MGST3: variants seen among roughly 807,000 people sequenced by gnomAD.
MGST3 encodes microsomal glutathione S-transferase 3, also known as glutathione S-transferase 3, mitochondrial.
MGST3 carries 13 observed loss-of-function variants against 15.8 expected under a neutral mutation model. That is an observed-to-expected ratio of 0.82 (90% CI 0.54 to 1.31). The LOEUF is 1.31. MGST3 is among the 50% of genes most tolerant of loss of function. The pLI, the probability that MGST3 is intolerant of heterozygous loss-of-function variation, is 0.00. For missense variants in MGST3, 155 were observed against 192.4 expected, an observed-to-expected ratio of 0.81 and a Z score of 1.15; for synonymous variants, 49 against 68.1, an observed-to-expected ratio of 0.72 and a Z score of 1.38.
At chr1:165,640,813 C>T (rs916558152) in intron 1 of MGST3, among the ~76,000 whole-genome samples, 4 of 152,156 alleles carry the variant, frequency 2.6e-5, no homozygotes, top group African/African-American at 4.8e-5. Flanking sequence ...ATATTCAATG[C>T]CACACAAAGG....
At chr1:165,632,145 A>C in intron 1 of MGST3, 1 of 1,120,590 alleles carries the variant, frequency 8.9e-7, no homozygotes, top group South Asian at 1.3e-5. Context: ...GGGGGCAAGT[A>C]AGTGTGGAAG....
intron 1 of MGST3, among the ~76,000 whole-genome samples, chr1:165,636,057 T>C (rs562997499): frequency 1.3e-5 from 2 of 152,348 alleles, no homozygotes; most frequent in Non-Finnish European, 2.9e-5. Flanking sequence ...GGTTTGGCGC[T>C]CAAACAGATT....
chr1:165,652,170 A>G (rs531709588), intron 4 of MGST3, 135 bp downstream of exon 4: 9 of 742,354 alleles, frequency 1.2e-5, no homozygotes, highest in East Asian at 2.6e-5. Flanking sequence ...ATTTTATTCA[A>G]TTATTTCTTA....
At chr1:165,641,259 G>A (rs7554041) in intron 1 of MGST3, among the ~76,000 whole-genome samples, 3 of 152,196 alleles carry the variant, frequency 2.0e-5, no homozygotes, top group Admixed American at 6.5e-5. Flanking sequence ...GTCATCATTC[G>A]AAGGTCAGGG....
chr1:165,641,369 T>C (rs910707452), intron 1 of MGST3, among the ~76,000 whole-genome samples: 1 of 152,198 alleles, frequency 6.6e-6, no homozygotes, highest in African/African-American at 2.4e-5. Flanking sequence ...GTTGAATAAA[T>C]GAATTAAGTG....
At chr1:165,654,746 G>T (rs1056268392) in intron 5 of MGST3, among the ~76,000 whole-genome samples, 8 of 152,088 alleles carry the variant, frequency 5.3e-5, no homozygotes, top group African/African-American at 1.9e-4. Context: ...TTTGAGAAAA[G>T]GGGAAGTCAC....
intron 1 of MGST3, among the ~76,000 whole-genome samples, chr1:165,644,851 C>T (rs548651098): frequency 3.3e-5 from 5 of 152,090 alleles, no homozygotes; most frequent in East Asian, 1.9e-4. Flanking sequence ...CTCCACCTCC[C>T]GGATTCAAGC....
chr1:165,639,197 A>G (rs913229464), intron 1 of MGST3, among the ~76,000 whole-genome samples: 16 of 152,254 alleles, frequency 1.1e-4, no homozygotes, highest in Admixed American at 5.2e-4. Flanking sequence ...ATTGCCTTCA[A>G]TTGAACGTTG....
At chr1:165,645,198 C>G (rs1367814816) in intron 1 of MGST3, among the ~76,000 whole-genome samples, 1 of 152,178 alleles carries the variant, frequency 6.6e-6, no homozygotes, top group Non-Finnish European at 1.5e-5. Context: ...TTGTAGGTTT[C>G]TAACTGGAAG....
chr1:165,636,518 C>G (rs1291380365), intron 1 of MGST3, among the ~76,000 whole-genome samples: 5 of 152,038 alleles, frequency 3.3e-5, no homozygotes, highest in African/African-American at 1.2e-4. Flanking sequence ...GGTGGATCAC[C>G]TGAGGTCAGG....
At chr1:165,634,796 C>CCTCTCCCTCCCTCCCTCA (rs1557990269) in intron 1 of MGST3, among the ~76,000 whole-genome samples, 4 of 121,942 alleles carry the variant, frequency 3.3e-5, no homozygotes, top group African/African-American at 1.4e-4. Flanking sequence ...TCCCTCCCTC[C>CCTCTCCCTCCCTCCCTCA]CCCCCACTCT....
At chr1:165,651,676 G>A in intron 3 of MGST3, 1 of 363,648 alleles carries the variant, frequency 2.7e-6, no homozygotes, top group South Asian at 2.5e-5. Flanking sequence ...GGCCGAGGTG[G>A]GTGGATCACT....
chr1:165,631,392 A>G (rs1647938273), intron 1 of MGST3, 99 bp downstream of exon 1: 1 of 152,752 alleles, frequency 6.5e-6, no homozygotes, highest in Admixed American at 6.5e-5. Context: ...ATGCGAGCTG[A>G]ATAGAGACCC....
intron 1 of MGST3, chr1:165,637,258 A>G (rs539480409): frequency 8.5e-5 from 13 of 152,364 alleles, no homozygotes; most frequent in African/African-American, 3.1e-4. Flanking sequence ...TATCATACAC[A>G]GAAGTAGGGA....
chr1:165,636,591 C>G (rs972978587), intron 1 of MGST3, among the ~76,000 whole-genome samples: 1 of 152,004 alleles, frequency 6.6e-6, no homozygotes, highest in African/African-American at 2.4e-5. Flanking sequence ...CAAAAATTAA[C>G]CGGGGCGTGG....
intron 1 of MGST3, among the ~76,000 whole-genome samples, chr1:165,641,740 A>G (rs1156975280): frequency 1.3e-5 from 2 of 152,200 alleles, no homozygotes; most frequent in Middle Eastern, 3.2e-3. Context: ...CTATGTATGA[A>G]TACAGGTCTG....
intron 1 of MGST3, among the ~76,000 whole-genome samples, chr1:165,638,427 G>A (rs1648172394): frequency 6.6e-6 from 1 of 152,056 alleles, no homozygotes; most frequent in African/African-American, 2.4e-5. Flanking sequence ...AGCCCTGATT[G>A]TGCCACTTCC....
At chr1:165,653,868 T>C (rs1413508527) in intron 4 of MGST3, 4 of 295,898 alleles carry the variant, frequency 1.4e-5, no homozygotes. Flanking sequence ...GTCAATCTCA[T>C]GCTCAGAGGC....
intron 5 of MGST3, among the ~76,000 whole-genome samples, chr1:165,654,988 A>G: frequency 6.6e-6 from 1 of 152,186 alleles, no homozygotes; most frequent in East Asian, 1.9e-4. Flanking sequence ...GTAAACTAGT[A>G]AACTAGGAAT....
Sources: gnomAD v4.1 joint callset for allele counts (sites outside exome capture counted in the v4.1 genomes callset) on GRCh38, gnomAD v4.1.1 for gene constraint, MANE v1.5 for transcripts, NCBI Gene and HGNC (gene_info 2026-07-23, HGNC 2026-07-21) for gene names.